Variants in TBC1D5 observed in about 807,000 individuals in gnomAD.
The protein encoded by TBC1D5 is TBC1 domain family, member 5.
TBC1D5 carries 75 observed loss-of-function variants against 100.3 expected under a neutral mutation model. The ratio of observed to expected loss-of-function variants is 0.75; its 90% confidence interval spans 0.62 to 0.91. The LOEUF (loss-of-function observed/expected upper bound fraction) is 0.91. TBC1D5 is among the 40% of genes least tolerant of loss of function. TBC1D5 has a pLI of 0.00. For synonymous variants in TBC1D5, 323 were observed against 325.6 expected, an observed-to-expected ratio of 0.99 and a Z score of 0.09; for missense variants, 910 against 942.4, an observed-to-expected ratio of 0.97 and a Z score of 0.45.
At chr3:17,410,159 G>A (rs2093884420) in intron 4 of TBC1D5, among the ~76,000 whole-genome samples, 2 of 152,098 alleles carry the variant, frequency 1.3e-5, no homozygotes, top group South Asian at 2.1e-4. Flanking sequence ...GAAAGTCCTA[G>A]AGACCTTAAG....
intron 19 of TBC1D5, among the ~76,000 whole-genome samples, chr3:17,177,281 G>C (rs927161341): frequency 1.3e-5 from 2 of 152,212 alleles, no homozygotes; most frequent in Admixed American, 1.3e-4. Context: ...GGATAAGCTA[G>C]TGTGTAGTTT....
chr3:17,337,365 T>C (rs1210805809), intron 13 of TBC1D5: 1 of 152,136 alleles, frequency 6.6e-6, no homozygotes, highest in Non-Finnish European at 1.5e-5. Context: ...TTGGCCCAAT[T>C]GGACTAAAAG....
intron 2 of TBC1D5, among the ~76,000 whole-genome samples, chr3:17,512,369 C>G (rs1320418279): frequency 6.6e-6 from 1 of 152,016 alleles, no homozygotes; most frequent in African/African-American, 2.4e-5. Flanking sequence ...ATAACACTTA[C>G]AATGGTTCAT....
intron 2 of TBC1D5, among the ~76,000 whole-genome samples, chr3:17,607,755 G>T (rs1449842172): frequency 6.6e-6 from 1 of 151,958 alleles, no homozygotes; most frequent in African/African-American, 2.4e-5. Context: ...CTCACTTGTT[G>T]AACAGGATTA....
intron 17 of TBC1D5, among the ~76,000 whole-genome samples, chr3:17,217,241 T>C (rs1295209310): frequency 6.6e-6 from 1 of 152,168 alleles, no homozygotes; most frequent in Admixed American, 6.6e-5. Context: ...AATATTCCAT[T>C]GTATGGGTAC....
At chr3:17,528,899 C>G (rs185114966) in intron 2 of TBC1D5, among the ~76,000 whole-genome samples, 2 of 152,186 alleles carry the variant, frequency 1.3e-5, no homozygotes, top group Non-Finnish European at 1.5e-5. Context: ...GTCTATATGT[C>G]TTTTAGTCTC....
intron 1 of TBC1D5, among the ~76,000 whole-genome samples, chr3:17,736,968 G>A (rs1009406762): frequency 6.6e-6 from 1 of 151,836 alleles, no homozygotes; most frequent in East Asian, 1.9e-4. Context: ...AGTAGAGATC[G>A]CGCCACTGCA....
chr3:17,544,391 G>A (rs1358891588), intron 2 of TBC1D5, among the ~76,000 whole-genome samples: 2 of 152,282 alleles, frequency 1.3e-5, no homozygotes, highest in South Asian at 2.1e-4. Flanking sequence ...ACTGGCTCAC[G>A]CTTGTAATCC....
chr3:17,461,319 A>G (rs1250679615), intron 3 of TBC1D5, among the ~76,000 whole-genome samples: 2 of 152,208 alleles, frequency 1.3e-5, no homozygotes, highest in African/African-American at 4.8e-5. Flanking sequence ...TACACTTCCA[A>G]CAAGTTTTGT....
intron 2 of TBC1D5, among the ~76,000 whole-genome samples, chr3:17,550,947 C>A (rs555967870): frequency 2.2e-4 from 34 of 152,198 alleles, no homozygotes; most frequent in African/African-American, 8.2e-4. Flanking sequence ...TCTTCCTCTT[C>A]CATCTATAAT....
chr3:17,234,657 G>A (rs2733500), intron 17 of TBC1D5, among the ~76,000 whole-genome samples: 62,161 of 151,770 alleles, frequency 0.41, 13,418 homozygotes, highest in Middle Eastern at 0.49. Context: ...CAGACTAACA[G>A]GCTAAAGAAA....
intron 3 of TBC1D5, among the ~76,000 whole-genome samples, chr3:17,455,167 C>G (rs559636913): frequency 1.5e-5 from 2 of 129,160 alleles, no homozygotes; most frequent in African/African-American, 7.3e-5. Context: ...AAAAAGTATA[C>G]ACACACACAC....
chr3:17,665,351 A>G (rs907902242), intron 1 of TBC1D5, among the ~76,000 whole-genome samples: 1 of 152,216 alleles, frequency 6.6e-6, no homozygotes, highest in Non-Finnish European at 1.5e-5. Context: ...TCATATCTTT[A>G]TAAAAGTTTG....
chr3:17,517,183 T>G lies in TBC1D5; in HGVS notation c.-35-8578A>C, dbSNP rs540621765. ...GAAACAGTCATCTTTAACTTTGCCCTCTGCCTAGAAACCCTCACCTTTCTT... is the reference window on the plus strand; with the variant it reads ...GAAACAGTCATCTTTAACTTTGCCCGCTGCCTAGAAACCCTCACCTTTCTT... On this transcript the variant is annotated intron_variant, in intron 2 of 21. Transcript: ENST00000253692. Among the ~76,000 whole-genome samples, 3 of 152,342 alleles carry G rather than the reference T, an allele frequency of 2.0e-5. No homozygotes were observed. The East Asian group carries it at 5.8e-4, about 29-fold the overall frequency.
intron 1 of TBC1D5, among the ~76,000 whole-genome samples, chr3:17,633,784 C>G (rs890736380): frequency 6.6e-6 from 1 of 152,014 alleles, no homozygotes; most frequent in Non-Finnish European, 1.5e-5. Context: ...ATTATAAATA[C>G]TACAGGAATT....
At chr3:17,712,974 T>C (rs1054664895) in intron 1 of TBC1D5, among the ~76,000 whole-genome samples, 1 of 152,258 alleles carries the variant, frequency 6.6e-6, no homozygotes, top group Middle Eastern at 3.4e-3. Context: ...GTTTCTCCTA[T>C]CCCTCCCATT....
intron 15 of TBC1D5, among the ~76,000 whole-genome samples, chr3:17,264,095 T>C (rs560877660): frequency 4.6e-5 from 7 of 151,324 alleles, no homozygotes; most frequent in Non-Finnish European, 1.0e-4. Context: ...CTACCTCCTC[T>C]CTGCCACTCT....
At chr3:17,574,787 A>C (rs915589653) in intron 2 of TBC1D5, among the ~76,000 whole-genome samples, 11 of 152,078 alleles carry the variant, frequency 7.2e-5, no homozygotes, top group Non-Finnish European at 1.0e-4. Flanking sequence ...TTGCCACTTC[A>C]TTCTTGATTT....
At chr3:17,195,194 T>C (rs190864335) in intron 18 of TBC1D5, among the ~76,000 whole-genome samples, 2 of 152,332 alleles carry the variant, frequency 1.3e-5, no homozygotes, top group African/African-American at 4.8e-5. Flanking sequence ...TGTGGAGAAA[T>C]GCTCCCATCT....
Sources: allele counts gnomAD v4.1 joint callset (sites outside exome capture counted in the v4.1 genomes callset), GRCh38; gene constraint gnomAD v4.1.1; transcripts MANE v1.5; gene names NCBI Gene and HGNC (gene_info 2026-07-23, HGNC 2026-07-21).